Variants in CXADR observed in about 807,000 individuals in gnomAD.
The protein encoded by CXADR is coxsackievirus and adenovirus receptor.
CXADR carries 20 observed loss-of-function variants against 40.3 expected under a neutral mutation model. That is an observed-to-expected ratio of 0.50 (90% CI 0.35 to 0.72). The LOEUF is 0.72. Ranked by LOEUF, CXADR falls within the 30% of genes least tolerant of loss-of-function variation. The probability of loss-of-function intolerance (pLI) is 0.01; values close to 1 mark genes in which losing one functional copy is unlikely to be tolerated. For synonymous variants in CXADR, 150 were observed against 161.3 expected (o/e 0.93, Z 0.53); for missense variants, 332 against 449.1 (o/e 0.74, Z 2.36).
the CXADR span, chr21:17,598,993 G>T: frequency 1.9e-6 from 1 of 521,358 alleles, no homozygotes; most frequent in South Asian, 3.3e-5. Context: ...ATGCCAGCAA[G>T]CAAACCACAG....
intron 6 of CXADR, among the ~76,000 whole-genome samples, chr21:17,563,258 C>G (rs2737865): frequency 0.92 from 139,679 of 151,992 alleles, 64,301 homozygotes; most frequent in East Asian, 1. Flanking sequence ...CTGCACCCTA[C>G]CGTGGTTGAC....
chr21:17,559,101 TCA>T lies in CXADR; in HGVS notation c.544_545del (p.Gln182GlufsTer23), dbSNP rs751244908. 6.2e-7 allele frequency: 1 copy of T among 1,614,022 alleles called. No individual in the cohort carries two copies. The highest frequency in any genetic ancestry group is 8.5e-7 in the Non-Finnish European group (1 of 1,179,998). ...GTATGAGTGGCAAAAATTGTCTGAC[TCA>T]CAGAAAATGCCCACTTCATGGTTAG... ...LQYEWQKLSDSQKMPTSWLAE... is the reference protein window; with the variant it reads ...LQYEWQKLSDXQKMPTSWLAE... On this transcript the variant is annotated frameshift_variant, in exon 4 of 7. Coordinates refer to ENST00000284878, the MANE Select transcript of CXADR (RefSeq NM_001338.5). LOFTEE classifies it high-confidence loss of function.
intron 1 of CXADR, among the ~76,000 whole-genome samples, chr21:17,544,052 G>A (rs184558813): frequency 2.0e-5 from 3 of 152,194 alleles, no homozygotes; most frequent in Admixed American, 2.0e-4. Context: ...ACCTAAGTCA[G>A]TTTCACCATA....
chr21:17,582,698 C>T (rs1342239345), intron 7 of CXADR, among the ~76,000 whole-genome samples: 4 of 152,204 alleles, frequency 2.6e-5, no homozygotes, highest in African/African-American at 9.6e-5. Context: ...CTGCATGTAT[C>T]GCCATAACAG....
chr21:17,573,044 GTCCA>G (rs2061291492), downstream of CXADR, among the ~76,000 whole-genome samples: 1 of 152,152 alleles, frequency 6.6e-6, no homozygotes, highest in South Asian at 2.1e-4. Context: ...GGAGGTGGAA[GTCCA>G]AAATCAAGGT....
At chr21:17,530,805 C>T (rs1470146785) in intron 1 of CXADR, among the ~76,000 whole-genome samples, 1 of 152,092 alleles carries the variant, frequency 6.6e-6, no homozygotes. Flanking sequence ...CAGAGCGAGA[C>T]TCAGTCTCAA....
At chr21:17,549,174 G>T (rs1406415243) in intron 2 of CXADR, among the ~76,000 whole-genome samples, 2 of 152,164 alleles carry the variant, frequency 1.3e-5, no homozygotes, top group African/African-American at 4.8e-5. Flanking sequence ...ACATAGTAAG[G>T]TGAGAATTAT....
At position 17,567,065 on chromosome 21, in the gene CXADR, C is replaced by G. The variant is rs182268729; in HGVS notation, c.*1373C>G. 2,651 of 983,318 alleles carry G rather than the reference C, an allele frequency of 2.7e-3. 9 individuals are homozygous for G. Among genetic ancestry groups the G allele is most frequent in the Non-Finnish European group, 2.5e-3 (2,102 of 828,184 alleles). The allele number at this position is 983,318 out of a possible 1,614,324, so 60.9% of individuals were successfully genotyped here. On this transcript the variant is annotated 3_prime_UTR_variant, in exon 7 of 7. Transcript: ENST00000284878. The stretch of plus-strand genomic sequence containing the variant: ...GAAGAAAGTGGGTTTATTGTATTTC[C>G]CTTAAGATTGTGAGGGAGTGTGGAT...
rs565722469 is a variant in CXADR at position 17,513,393 on chromosome 21, C to G, written c.43+221C>G. ...AGCCGCGCAGGGCGCGCGGAGTGCC[C>G]GGGGACGGAGCCCTCGGCGGGGGGT... On this transcript the variant is annotated intron_variant, in intron 1 of 6. Coordinates refer to ENST00000284878, the MANE Select transcript of CXADR (RefSeq NM_001338.5). Among the ~76,000 whole-genome samples the G allele has an allele frequency of 2.0e-5, 3 of 151,740 alleles. No individual in the cohort carries two copies. In the South Asian group the frequency reaches 6.2e-4, roughly 32 times the overall value.
chr21:17,611,146 CT>C, the CXADR span, among the ~76,000 whole-genome samples: 4 of 152,318 alleles, frequency 2.6e-5, no homozygotes, highest in South Asian at 8.3e-4. Flanking sequence ...GCCATTTCCA[CT>C]TTGTAAAGCT....
chr21:17,559,668 G>GTTT (rs1491548660), intron 4 of CXADR, among the ~76,000 whole-genome samples: 5 of 106,206 alleles, frequency 4.7e-5, no homozygotes, highest in Admixed American at 1.1e-4. Flanking sequence ...CTTTTTTTTG[G>GTTT]GTTTTTTTTT....
chr21:17,513,306 C>T (rs1371225166), intron 1 of CXADR, 134 bp downstream of exon 1: 14 of 900,278 alleles, frequency 1.6e-5, no homozygotes, highest in East Asian at 6.7e-5. Flanking sequence ...GGCGGCGGGG[C>T]GGGCAGAATT....
At chr21:17,602,229 G>C in the CXADR span, among the ~76,000 whole-genome samples, 2 of 151,466 alleles carry the variant, frequency 1.3e-5, no homozygotes, top group East Asian at 1.9e-4. Context: ...TCTCATCATA[G>C]GCAAGATTTA....
chr21:17,520,938 C>A (rs2060522823), intron 1 of CXADR, among the ~76,000 whole-genome samples: 1 of 151,986 alleles, frequency 6.6e-6, no homozygotes, highest in South Asian at 2.1e-4. Flanking sequence ...GCCTGAGAGG[C>A]AAGGAGGTAA....
downstream of CXADR, among the ~76,000 whole-genome samples, chr21:17,570,794 C>G (rs916055252): frequency 1.9e-4 from 29 of 152,142 alleles, no homozygotes; most frequent in African/African-American, 6.8e-4. Flanking sequence ...TATTTTCATT[C>G]ACTGTAAATG....
At chr21:17,544,306 A>G (rs144180771) in intron 1 of CXADR, among the ~76,000 whole-genome samples, 95 of 152,340 alleles carry the variant, frequency 6.2e-4, no homozygotes, top group African/African-American at 2.1e-3. Flanking sequence ...ATACCAAATC[A>G]TATCATTTTA....
At chr21:17,586,943 G>T (rs1244057890) in intron 7 of CXADR, among the ~76,000 whole-genome samples, 3 of 152,048 alleles carry the variant, frequency 2.0e-5, no homozygotes, top group Non-Finnish European at 4.4e-5. Flanking sequence ...CTGTGTCCAT[G>T]TGTTCTCGTT....
chr21:17,566,792 T>C lies in CXADR; in HGVS notation c.*1100T>C. On this transcript the variant is annotated 3_prime_UTR_variant, in exon 7 of 7. Transcript: ENST00000284878. ...AAATGCAGAATAATCAAATACATTT[T>C]AAGCAAGTTAAGTGTCCTCCATCAA... 1.0e-6 allele frequency: 1 copy of C among 964,070 alleles called. No homozygotes were observed. The highest frequency in any genetic ancestry group is 1.2e-6 in the Non-Finnish European group (1 of 810,572). 59.7% of individuals were successfully genotyped at this position (964,070 alleles called of 1,614,324 possible). A position where few individuals can be genotyped will look rare whatever the true frequency, so the allele number is the denominator to read the frequency against.
intron 7 of CXADR, among the ~76,000 whole-genome samples, chr21:17,584,913 T>A (rs1348313249): frequency 6.6e-6 from 1 of 152,240 alleles, no homozygotes; most frequent in Non-Finnish European, 1.5e-5. Context: ...TCAAAAATTT[T>A]AAATACATTT....
Sources: gnomAD v4.1 joint callset for allele counts (sites outside exome capture counted in the v4.1 genomes callset) on GRCh38, gnomAD v4.1.1 for gene constraint, MANE v1.5 for transcripts, NCBI Gene and HGNC (gene_info 2026-07-23, HGNC 2026-07-21) for gene names.